The following RALGAPA1 variants were observed in gnomAD, a reference collection of about 807,000 sequenced individuals.
RALGAPA1 encodes ral GTPase-activating protein subunit alpha-1.
A neutral mutation model predicts 269.6 loss-of-function variants in RALGAPA1; 52 were observed. The observed-to-expected ratio is 0.19, with a 90% CI of 0.15 to 0.24. RALGAPA1 has a LOEUF of 0.24. RALGAPA1 is among the 10% of genes least tolerant of loss of function. RALGAPA1 has a pLI of 1.00. For missense variants in RALGAPA1, 1,917 were observed against 3,013.9 expected (o/e 0.64, Z 8.52); for synonymous variants, 817 against 1,008.3 (o/e 0.81, Z 3.60).
At chr14:35,714,163 G>T (rs952215017) in intron 16 of RALGAPA1, among the ~76,000 whole-genome samples, 1 of 152,012 alleles carries the variant, frequency 6.6e-6, no homozygotes, top group Non-Finnish European at 1.5e-5. Context: ...CTGTGAATGG[G>T]ATTGCTGGGT....
intron 16 of RALGAPA1, among the ~76,000 whole-genome samples, chr14:35,721,148 T>C (rs2069378652): frequency 1.3e-5 from 2 of 151,956 alleles, no homozygotes; most frequent in South Asian, 4.2e-4. Context: ...CCCAACGTTG[T>C]TCCTTTGCTG....
At position 35,743,427 on chromosome 14, in the gene RALGAPA1, C is replaced by T. The variant is rs189335152; in HGVS notation, c.1252-862G>A. On this transcript the variant is annotated intron_variant, in intron 10 of 41. Transcript: ENST00000680220. ...TTACTCAGAATGGTGATATTCCTTGCTTCCTGAAATAATTGAGCTCTTACA... is the reference window on the plus strand; with the variant it reads ...TTACTCAGAATGGTGATATTCCTTGTTTCCTGAAATAATTGAGCTCTTACA... 3.0e-3 allele frequency among the ~76,000 whole-genome samples: 453 copies of T among 152,284 alleles called. 7 individuals carry two copies. The highest frequency in any genetic ancestry group is 0.011 in the African/African-American group (440 of 41,556).
intron 6 of RALGAPA1, among the ~76,000 whole-genome samples, chr14:35,760,593 A>G (rs11851614): frequency 0.22 from 32,743 of 152,188 alleles, 6,848 homozygotes; most frequent in African/African-American, 0.53. Flanking sequence ...CTTCCCCCAC[A>G]TAGCCCTTGT....
intron 21 of RALGAPA1, among the ~76,000 whole-genome samples, chr14:35,680,120 A>G (rs2140333713): frequency 6.6e-6 from 1 of 152,322 alleles, no homozygotes; most frequent in African/African-American, 2.4e-5. Context: ...CCTTTGGTCA[A>G]ATGCTTTGAA....
chr14:35,725,761 G>A (rs2069842975), intron 13 of RALGAPA1, among the ~76,000 whole-genome samples: 1 of 151,890 alleles, frequency 6.6e-6, no homozygotes, highest in Non-Finnish European at 1.5e-5. Flanking sequence ...AGCTACTCAG[G>A]AGGCTGAGGT....
intron 12 of RALGAPA1, among the ~76,000 whole-genome samples, chr14:35,730,666 C>T (rs892420127): frequency 2.0e-5 from 3 of 152,122 alleles, no homozygotes; most frequent in Non-Finnish European, 4.4e-5. Flanking sequence ...CCATAATCCT[C>T]GTAGGTACAC....
Position 35,689,950 on chromosome 14 carries a change from G to T in RALGAPA1, c.2461C>A (p.Gln821Lys). 1 of 1,599,530 alleles carries T rather than the reference G, an allele frequency of 6.3e-7. No homozygotes were observed. ...PRSTRVRHFS[Q>K]SEETGNEVFG... ...ACTTCATTTCCAGTTTCTTCACTTT[G>T]TGAAAAATGTCTGACTCTAGTTGAG... The change falls in exon 18 of 42, where the codon CAA becomes AAA. Residue 821 changes from glutamine (Q) to lysine (K), a missense_variant. Gln to Lys is a moderately conservative substitution (Grantham distance 53). This residue lies in a region of RALGAPA1 where 125 missense variants were observed against 155.7 expected (regional missense o/e 0.80). Transcript: ENST00000680220.
intron 18 of RALGAPA1, 93 bp downstream of exon 18, chr14:35,688,366 A>T: frequency 7.0e-7 from 1 of 1,430,456 alleles, no homozygotes; most frequent in Non-Finnish European, 9.5e-7. Flanking sequence ...ACCATCCCAA[A>T]GCTTTTTGAT....
intron 28 of RALGAPA1, among the ~76,000 whole-genome samples, chr14:35,656,321 TTCTA>T (rs1307274022): frequency 6.6e-6 from 1 of 152,224 alleles, no homozygotes. Context: ...TTAAATATTT[TTCTA>T]TCTTTTAAAT....
At chr14:35,652,636 C>G (rs1456398085) in intron 30 of RALGAPA1, among the ~76,000 whole-genome samples, 5 of 152,102 alleles carry the variant, frequency 3.3e-5, no homozygotes, top group African/African-American at 1.2e-4. Flanking sequence ...AACTCCTAAC[C>G]TCAGGTGATC....
intron 39 of RALGAPA1, among the ~76,000 whole-genome samples, chr14:35,550,891 G>A (rs756838160): frequency 3.3e-5 from 5 of 152,060 alleles, no homozygotes; most frequent in African/African-American, 9.7e-5. Flanking sequence ...AGGATAATAC[G>A]GACATTTTTG....
In RALGAPA1 at chr14:35,689,582, C is replaced by T. The variant is rs2066304374; in HGVS notation, c.2829G>A (p.Leu943=). The T allele has an allele frequency of 8.1e-7, 1 of 1,241,646 alleles. No homozygotes were observed. Among genetic ancestry groups the T allele is most frequent in the Admixed American group, 4.1e-5 (1 of 24,114 alleles). 76.9% of individuals were successfully genotyped at this position (1,241,646 alleles called of 1,614,324 possible). A position where few individuals can be genotyped will look rare whatever the true frequency, so the allele number is the denominator to read the frequency against. Residue 943 remains leucine (L), a synonymous_variant, in exon 18 of 42, where the codon CTG becomes CTA. Transcript: ENST00000680220. The part of the protein sequence containing the change: ...LEGDDDLLST[L]KEYFKENQEN... The stretch of plus-strand genomic sequence containing the variant: ...CCTGGTTTTCCTTAAAATATTCTTT[C>T]AGGGTGGAAAGAAGATCATCATCTC...
intron 1 of RALGAPA1, among the ~76,000 whole-genome samples, chr14:35,797,843 CA>C (rs200057234): frequency 0.043 from 5,083 of 118,066 alleles, 178 homozygotes; most frequent in African/African-American, 0.12. Context: ...AATTACATCT[CA>C]AAAAAAAAAA....
intron 37 of RALGAPA1, among the ~76,000 whole-genome samples, chr14:35,591,747 A>G (rs1230721548): frequency 6.6e-6 from 1 of 152,174 alleles, no homozygotes; most frequent in Non-Finnish European, 1.5e-5. Flanking sequence ...AATTTGTTAT[A>G]TCCCTTGATA....
chr14:35,769,065 T>TATATATATATATATACACAC (rs1237249622), intron 4 of RALGAPA1, among the ~76,000 whole-genome samples: 1 of 77,794 alleles, frequency 1.3e-5, no homozygotes, highest in African/African-American at 4.6e-5. Flanking sequence ...TATATATATA[T>TATATATATATATATACACAC]ACACACACAT....
intron 1 of RALGAPA1, among the ~76,000 whole-genome samples, chr14:35,792,882 G>GAA (rs11339118): frequency 1.7e-5 from 2 of 117,508 alleles, no homozygotes; most frequent in Admixed American, 9.0e-5. Context: ...TTCAAGAGGG[G>GAA]AAAAAAAAAA....
intron 9 of RALGAPA1, 29 bp from the exon 10 acceptor site, chr14:35,748,853 A>G: frequency 6.4e-7 from 1 of 1,551,124 alleles, no homozygotes; most frequent in East Asian, 2.3e-5. Flanking sequence ...AAAAAAAGAG[A>G]GAAACAATAT....
At chr14:35,550,848 T>C (rs952180282) in intron 39 of RALGAPA1, among the ~76,000 whole-genome samples, 8 of 152,166 alleles carry the variant, frequency 5.3e-5, no homozygotes, top group African/African-American at 1.7e-4. Context: ...ACAAGATGCA[T>C]ATTAAAATGA....
At chr14:35,701,006 G>C (rs1285691834) in intron 16 of RALGAPA1, among the ~76,000 whole-genome samples, 1 of 152,084 alleles carries the variant, frequency 6.6e-6, no homozygotes, top group Non-Finnish European at 1.5e-5. Context: ...ATAATTTTGT[G>C]CTTATTCAAA....
Sources: gnomAD v4.1 joint callset for allele counts (sites outside exome capture counted in the v4.1 genomes callset) on GRCh38, gnomAD v4.1.1 for gene constraint, gnomAD v4.1.1 regional missense constraint, MANE v1.5 for transcripts, NCBI Gene and HGNC (gene_info 2026-07-23, HGNC 2026-07-21) for gene names.